CD99: variants seen among roughly 807,000 people sequenced by gnomAD.
CD99 encodes CD99 molecule (Xg blood group).
In CD99, 19 loss-of-function variants were observed where a neutral mutation model predicts 28.4. That is an observed-to-expected ratio of 0.67 (90% CI 0.47 to 0.98). CD99 has a LOEUF of 0.98. Ranked by LOEUF, CD99 falls within the 50% of genes least tolerant of loss-of-function variation. The probability of loss-of-function intolerance (pLI) is 0.00; values close to 1 mark genes in which losing one functional copy is unlikely to be tolerated. For missense variants in CD99, 283 were observed against 248.8 expected (o/e 1.14, Z -0.92); for synonymous variants, 103 against 92.1 (o/e 1.12, Z -0.67).
intron 8 of CD99, among the ~76,000 whole-genome samples, chrX:2,729,927 A>T (rs2049502319): frequency 6.6e-6 from 1 of 152,150 alleles, no homozygotes; most frequent in African/African-American, 2.4e-5. Context: ...CCAAGGAAAG[A>T]GGATTGCTTG....
At chrX:2,726,441 A>G in intron 8 of CD99, 68 bp downstream of exon 8, 2 of 1,040,940 alleles carry the variant, frequency 1.9e-6, no homozygotes, top group Non-Finnish European at 3.0e-6. Context: ...TTTCTTTAAA[A>G]GGCAGAAACC....
At chrX:2,739,308 T>C (rs1318798000) in intron 9 of CD99, among the ~76,000 whole-genome samples, 3 of 152,074 alleles carry the variant, frequency 2.0e-5, no homozygotes, top group Non-Finnish European at 4.4e-5. Context: ...GAAAAAAATG[T>C]GTGTGTGTAT....
chrX:2,692,470 G>A (rs147991219), intron 1 of CD99, among the ~76,000 whole-genome samples: 2,083 of 152,290 alleles, frequency 0.014, 23 homozygotes, highest in Non-Finnish European at 0.021. Flanking sequence ...ACTAGGCCGG[G>A]TCTCTATTTT....
At position 2,740,764 on chromosome X, in the gene CD99, C is replaced by G; in HGVS notation, c.533-15C>G. 1 of 1,613,704 alleles carries G rather than the reference C, an allele frequency of 6.2e-7. No individual in the cohort carries two copies. Among genetic ancestry groups the G allele is most frequent in the African/African-American group, 1.3e-5 (1 of 75,002 alleles). On this transcript the variant is annotated splice_polypyrimidine_tract_variant and intron_variant, in intron 9 of 9. Transcript: ENST00000381192. The stretch of plus-strand genomic sequence containing the variant: ...GGACCTGGGAATGACTTTCTTTTGT[C>G]TCTGTCTCCCACAGTTCAGCGTACT...
At chrX:2,692,284 C>T (rs2047353615) in intron 1 of CD99, 3 of 250,854 alleles carry the variant, frequency 1.2e-5, no homozygotes, top group Middle Eastern at 1.6e-3. Context: ...GCATTTTTTG[C>T]TCTTCGTATG....
chrX:2,733,922 A>AGGT, intron 8 of CD99, among the ~76,000 whole-genome samples: 1 of 152,254 alleles, frequency 6.6e-6, no homozygotes, highest in South Asian at 2.1e-4. Context: ...TGTTCCAAAC[A>AGGT]GGTACACACC....
At chrX:2,695,359 C>A in intron 1 of CD99, among the ~76,000 whole-genome samples, 1 of 152,002 alleles carries the variant, frequency 6.6e-6, no homozygotes, top group South Asian at 2.1e-4. Flanking sequence ...GCATGCACTG[C>A]ATATCTGGCT....
chrX:2,701,750 C>A (rs969051409), intron 1 of CD99, among the ~76,000 whole-genome samples: 1 of 152,182 alleles, frequency 6.6e-6, no homozygotes, highest in African/African-American at 2.4e-5. Flanking sequence ...GACAGCTGTG[C>A]GGGGACGCTT....
chrX:2,717,222 C>T (rs780626434), intron 2 of CD99, among the ~76,000 whole-genome samples: 2 of 152,132 alleles, frequency 1.3e-5, no homozygotes, highest in Admixed American at 1.3e-4. Flanking sequence ...ATGGCATGCA[C>T]CTGTAAGCCC....
chrX:2,691,835 G>A, intron 1 of CD99: 1 of 777,734 alleles, frequency 1.3e-6, no homozygotes, highest in South Asian at 1.3e-5. Flanking sequence ...CCGCCCTGGA[G>A]TTGCCTGTCA....
At chrX:2,699,044 A>G (rs1187178573) in intron 1 of CD99, among the ~76,000 whole-genome samples, 1 of 151,804 alleles carries the variant, frequency 6.6e-6, no homozygotes, top group Non-Finnish European at 1.5e-5. Flanking sequence ...CACCTACCTC[A>G]GCCTCGAAAG....
intron 9 of CD99, among the ~76,000 whole-genome samples, chrX:2,739,969 G>A (rs994534316): frequency 1.3e-5 from 2 of 150,486 alleles, no homozygotes; most frequent in African/African-American, 4.9e-5. Flanking sequence ...GCGCATGCCT[G>A]TAATTCCAGC....
At chrX:2,691,717 C>T (rs2047307062) in intron 1 of CD99, 2 of 709,442 alleles carry the variant, frequency 2.8e-6, no homozygotes, top group Non-Finnish European at 5.2e-6. Context: ...TTTTCCCAAT[C>T]TAGGGGACCT....
At chrX:2,691,732 A>C in intron 1 of CD99, 1 of 720,502 alleles carries the variant, frequency 1.4e-6, no homozygotes. Flanking sequence ...GGACCTTCTT[A>C]CAGATCTCTC....
chrX:2,724,123 A>G (rs1293810275), intron 7 of CD99, among the ~76,000 whole-genome samples: 1 of 151,876 alleles, frequency 6.6e-6, no homozygotes, highest in African/African-American at 2.4e-5. Context: ...TTGAAGAGGT[A>G]GTAATCTGTA....
chrX:2,739,307 G>A (rs893508983), intron 9 of CD99, among the ~76,000 whole-genome samples: 15 of 152,100 alleles, frequency 9.9e-5, no homozygotes, highest in Admixed American at 9.8e-4. Flanking sequence ...AGAAAAAAAT[G>A]TGTGTGTGTA....
chrX:2,703,015 C>T (rs2047937117), intron 1 of CD99, among the ~76,000 whole-genome samples: 1 of 152,162 alleles, frequency 6.6e-6, no homozygotes, highest in African/African-American at 2.4e-5. Flanking sequence ...TCTCAAACTC[C>T]TGGCCTCAAG....
At chrX:2,734,069 C>T (rs1379361893) in intron 8 of CD99, among the ~76,000 whole-genome samples, 1 of 152,132 alleles carries the variant, frequency 6.6e-6, no homozygotes, top group Non-Finnish European at 1.5e-5. Context: ...CCTCTGCGGC[C>T]GTCTTCCTTG....
intron 8 of CD99, chrX:2,737,877 A>G (rs1173009882): frequency 1.1e-5 from 5 of 459,758 alleles, no homozygotes; most frequent in Non-Finnish European, 2.0e-5. Flanking sequence ...TTTTTTTTTT[A>G]TAGAAAGAGC....
Sources: allele counts gnomAD v4.1 joint callset (sites outside exome capture counted in the v4.1 genomes callset), GRCh38; gene constraint gnomAD v4.1.1; transcripts MANE v1.5; gene names NCBI Gene and HGNC (gene_info 2026-07-23, HGNC 2026-07-21).